Variants in ADAMTS20 observed in about 807,000 individuals in gnomAD.
ADAMTS20 encodes the protein ADAM metallopeptidase with thrombospondin type 1 motif 20.
ADAMTS20 carries 225 observed loss-of-function variants against 260.1 expected under a neutral mutation model. The observed-to-expected ratio is 0.87, with a 90% CI of 0.78 to 0.97. ADAMTS20 has a LOEUF of 0.97. ADAMTS20 is among the 50% of genes least tolerant of loss of function. The pLI is 0.00. For missense variants in ADAMTS20, 2,400 were observed against 2,337.7 expected (o/e 1.03, Z -0.55); for synonymous variants, 802 against 769.5 (o/e 1.04, Z -0.70).
At chr12:43,464,967 T>C (rs1354529029) in intron 9 of ADAMTS20, among the ~76,000 whole-genome samples, 1 of 152,046 alleles carries the variant, frequency 6.6e-6, no homozygotes, top group East Asian at 1.9e-4. Flanking sequence ...CCCACAACCA[T>C]CTTGAAGGTG....
intron 11 of ADAMTS20, among the ~76,000 whole-genome samples, chr12:43,462,511 G>C (rs1942081188): frequency 6.6e-6 from 1 of 152,094 alleles, no homozygotes; most frequent in Admixed American, 6.5e-5. Context: ...ACTTTCAATT[G>C]TATTAACGGA....
At chr12:43,488,288 G>C in intron 7 of ADAMTS20, among the ~76,000 whole-genome samples, 1 of 152,068 alleles carries the variant, frequency 6.6e-6, no homozygotes, top group South Asian at 2.1e-4. Flanking sequence ...TAACCATCGA[G>C]GGGTATGACA....
chr12:43,376,158 A>G lies in ADAMTS20; in HGVS notation c.5221-10T>C, dbSNP rs370796585. 115 of 1,583,924 alleles carry G rather than the reference A, an allele frequency of 7.3e-5. No individual in the cohort carries two copies. In the African/African-American group the frequency reaches 1.5e-3, roughly 20 times the overall value. On this transcript the variant is annotated splice_polypyrimidine_tract_variant and intron_variant, in intron 34 of 38. Transcript: ENST00000389420. ...TGTCTGCACAATAAATCTAAAGAAA[A>G]AATGTAAACATCTAGAAAAACTTTT...
chr12:43,440,310 G>A (rs1941639333), intron 16 of ADAMTS20, among the ~76,000 whole-genome samples: 1 of 151,878 alleles, frequency 6.6e-6, no homozygotes, highest in African/African-American at 2.4e-5. Context: ...CACCACGCCT[G>A]GCTAATTTTT....
At chr12:43,435,709 C>G (rs1162451392) in intron 18 of ADAMTS20, among the ~76,000 whole-genome samples, 1 of 117,132 alleles carries the variant, frequency 8.5e-6, no homozygotes, top group Non-Finnish European at 1.9e-5. Flanking sequence ...AAAAAAAAAA[C>G]ATGGATACAG....
intron 14 of ADAMTS20, among the ~76,000 whole-genome samples, chr12:43,450,723 T>A (rs1273361785): frequency 1.3e-5 from 2 of 152,146 alleles, no homozygotes; most frequent in African/African-American, 4.8e-5. Flanking sequence ...TATTTTTAAT[T>A]ATTTTTTATC....
chr12:43,537,538 TTTAAGTTATTTTAAAATATACAA>T (rs1317140756), intron 2 of ADAMTS20, among the ~76,000 whole-genome samples: 1 of 152,168 alleles, frequency 6.6e-6, no homozygotes, highest in Admixed American at 6.5e-5. Context: ...AATTACATTC[TTTAAGTTATTTTAAAATATACAA>T]TTAAATTATT....
chr12:43,519,861 AT>A (rs1281620249), intron 3 of ADAMTS20, among the ~76,000 whole-genome samples: 1 of 152,192 alleles, frequency 6.6e-6, no homozygotes. Flanking sequence ...CAACCTTAAT[AT>A]CACCTTGGTC....
At chr12:43,406,581 T>C (rs1225106237) in intron 28 of ADAMTS20, among the ~76,000 whole-genome samples, 4 of 152,054 alleles carry the variant, frequency 2.6e-5, no homozygotes, top group Non-Finnish European at 5.9e-5. Flanking sequence ...TATGCATCCC[T>C]GTATATGTCT....
intron 29 of ADAMTS20, among the ~76,000 whole-genome samples, chr12:43,387,605 A>G (rs1940507593): frequency 6.6e-6 from 1 of 152,118 alleles, no homozygotes; most frequent in African/African-American, 2.4e-5. Context: ...CCCCTTCCCA[A>G]TTGCTCTGTC....
At chr12:43,459,803 G>A (rs747787641) in intron 11 of ADAMTS20, among the ~76,000 whole-genome samples, 7 of 152,116 alleles carry the variant, frequency 4.6e-5, no homozygotes, top group Admixed American at 1.3e-4. Flanking sequence ...TACTATGTGC[G>A]TGTGCATTTT....
At chr12:43,470,208 A>C (rs1942229548) in intron 7 of ADAMTS20, among the ~76,000 whole-genome samples, 1 of 152,162 alleles carries the variant, frequency 6.6e-6, no homozygotes, top group African/African-American at 2.4e-5. Flanking sequence ...TTTAAGGGAA[A>C]CGCATTTCTT....
At position 43,551,313 on chromosome 12, in the gene ADAMTS20, T is replaced by C; in HGVS notation, c.92-43A>G. On this transcript the variant is annotated intron_variant, in intron 1 of 38. Transcript: ENST00000389420. The surrounding 1 kb of genome is among the most constrained non-coding windows in gnomAD (Gnocchi z 4.6). ...GGACCAGTGAGCTCCCACGCGTTCC[T>C]CATTGTCCAACTCTAAACTTCTTCC... is the stretch of plus-strand genomic sequence containing the variant. The C allele has an allele frequency of 6.3e-7, 1 of 1,580,878 alleles. No individual in the cohort carries two copies. The highest frequency in any genetic ancestry group is 8.6e-7 in the Non-Finnish European group (1 of 1,161,978).
At chr12:43,503,863 C>T (rs1396603938) in intron 3 of ADAMTS20, among the ~76,000 whole-genome samples, 1 of 152,110 alleles carries the variant, frequency 6.6e-6, no homozygotes, top group African/African-American at 2.4e-5. Flanking sequence ...TGGCCTCTAG[C>T]TCCATTCATG....
intron 28 of ADAMTS20, among the ~76,000 whole-genome samples, chr12:43,417,418 T>C (rs1941152556): frequency 6.6e-6 from 1 of 152,220 alleles, no homozygotes; most frequent in Non-Finnish European, 1.5e-5. Context: ...TAAAAGGCCA[T>C]GTTACAACAT....
chr12:43,378,608 TA>T (rs1375986090), intron 31 of ADAMTS20, among the ~76,000 whole-genome samples: 1 of 152,042 alleles, frequency 6.6e-6, no homozygotes, highest in African/African-American at 2.4e-5. Flanking sequence ...ATGCAACCCA[TA>T]ACAAAACTCA....
intron 7 of ADAMTS20, among the ~76,000 whole-genome samples, chr12:43,479,702 T>C (rs190507690): frequency 6.6e-5 from 10 of 152,132 alleles, no homozygotes; most frequent in Non-Finnish European, 8.8e-5. Flanking sequence ...TTAAAGTAAA[T>C]TGATAGTCTC....
intron 4 of ADAMTS20, among the ~76,000 whole-genome samples, chr12:43,500,131 C>A (rs745498191): frequency 2.4e-4 from 37 of 151,564 alleles, no homozygotes; most frequent in African/African-American, 8.2e-4. Context: ...TGGGCTCAAG[C>A]GATTCTCCAG....
At chr12:43,454,500 T>C (rs934302421) in intron 11 of ADAMTS20, among the ~76,000 whole-genome samples, 1 of 152,150 alleles carries the variant, frequency 6.6e-6, no homozygotes, top group Non-Finnish European at 1.5e-5. Context: ...ATCAGGAAAA[T>C]GGAAACTTAC....
Sources: gnomAD v4.1 joint callset for allele counts (sites outside exome capture counted in the v4.1 genomes callset) on GRCh38, gnomAD v4.1.1 for gene constraint, Gnocchi (gnomAD v3.1) non-coding constraint, MANE v1.5 for transcripts, NCBI Gene and HGNC (gene_info 2026-07-23, HGNC 2026-07-21) for gene names.